The following GLB1 variants were observed in gnomAD, a reference collection of about 807,000 sequenced individuals.
GLB1 encodes the protein beta-galactosidase.
GLB1 carries 56 observed loss-of-function variants against 74.0 expected under a neutral mutation model. That is an observed-to-expected ratio of 0.76 (90% CI 0.61 to 0.94). GLB1 has a LOEUF of 0.94. GLB1 is among the 40% of genes least tolerant of loss of function. The probability of loss-of-function intolerance (pLI) is 0.00; values close to 1 mark genes in which losing one functional copy is unlikely to be tolerated. For missense variants in GLB1, 787 were observed against 845.5 expected (o/e 0.93, Z 0.86); for synonymous variants, 323 against 323.6 (o/e 1.00, Z 0.02).
chr3:33,022,964 T>C (rs1216774477), intron 11 of GLB1, among the ~76,000 whole-genome samples: 3 of 152,166 alleles, frequency 2.0e-5, no homozygotes, highest in African/African-American at 7.2e-5. Context: ...CTCATATGGG[T>C]GTTTTCCCAC....
chr3:33,091,835 T>C, intron 1 of GLB1: 1 of 985,414 alleles, frequency 1.0e-6, no homozygotes. Context: ...CCCTGTCTTC[T>C]CAGTGAGGCC....
At chr3:33,060,069 C>T (rs1699382660) in intron 5 of GLB1, among the ~76,000 whole-genome samples, 1 of 152,166 alleles carries the variant, frequency 6.6e-6, no homozygotes. Context: ...ACCAACAGCT[C>T]AATTTCATCC....
the GLB1 span, among the ~76,000 whole-genome samples, chr3:32,972,334 T>A: frequency 6.6e-6 from 1 of 152,092 alleles, no homozygotes; most frequent in African/African-American, 2.4e-5. Context: ...ATGTGGAAAA[T>A]TTAATTTAAC....
In GLB1 at chr3:33,051,744, T is replaced by G. The variant is rs754122458; in HGVS notation, c.955+14A>C. On this transcript the variant is annotated intron_variant, in intron 9 of 15. Transcript: ENST00000307363. ...TTCTAGCATAAGTTTCTACAGATAT[T>G]AAAGTGCTCTTACCATTCCAATAGG... is the stretch of plus-strand genomic sequence containing the variant. 4.3e-6 allele frequency: 7 copies of G among 1,613,950 alleles called. No homozygotes were observed. Among genetic ancestry groups the G allele is most frequent in the South Asian group, 1.1e-5 (1 of 91,082 alleles).
the GLB1 span, among the ~76,000 whole-genome samples, chr3:32,983,671 T>C: frequency 6.6e-6 from 1 of 152,000 alleles, no homozygotes; most frequent in Non-Finnish European, 1.5e-5. Flanking sequence ...TTGAAAATAA[T>C]AATAATAATA....
chr3:32,988,925 G>A, the GLB1 span, among the ~76,000 whole-genome samples: 1 of 146,756 alleles, frequency 6.8e-6, no homozygotes, highest in Non-Finnish European at 1.5e-5. Context: ...CCCTTGGCAT[G>A]GTAAGGTTTG....
At chr3:33,095,230 AAAAAAG>A (rs1700969150) in intron 1 of GLB1, among the ~76,000 whole-genome samples, 1 of 150,886 alleles carries the variant, frequency 6.6e-6, no homozygotes, top group African/African-American at 2.4e-5. Context: ...AAAAAAAAAA[AAAAAAG>A]GAATATTCTC....
Position 33,028,748 on chromosome 3 carries a change from C to T in GLB1, c.1069-4423G>A, listed in dbSNP as rs1697883479. Among the ~76,000 whole-genome samples the T allele has an allele frequency of 5.3e-5, 8 of 152,086 alleles. No homozygotes were observed. In the South Asian group the frequency reaches 1.7e-3, roughly 32 times the overall value. On this transcript the variant is annotated intron_variant, in intron 10 of 15. Coordinates refer to ENST00000307363, the MANE Select transcript of GLB1 (RefSeq NM_000404.4). ...TGGCACAATCTCGGCTCACTGCAAC[C>T]TCCACCTCCCAGGTTCCAGCGATTC...
At chr3:33,043,953 C>T (rs1698641211) in intron 10 of GLB1, among the ~76,000 whole-genome samples, 1 of 151,702 alleles carries the variant, frequency 6.6e-6, no homozygotes, top group African/African-American at 2.4e-5. Flanking sequence ...AATTTGCCCA[C>T]CTAATAACAT....
rs529472962 is a variant in GLB1, at chr3:33,033,655, C to T, written c.1069-9330G>A. On this transcript the variant is annotated intron_variant, in intron 10 of 15. Coordinates refer to ENST00000307363, the MANE Select transcript of GLB1 (RefSeq NM_000404.4). ...AATTAGCTAGGTGTGGTGGCGTGCA[C>T]CTGTAATCCCAGTCACTCAGGAGGC... Among the ~76,000 whole-genome samples, 15 of 152,100 alleles carry T rather than the reference C, an allele frequency of 9.9e-5. No individual in the cohort carries two copies. The East Asian group carries it at 1.9e-3, about 20-fold the overall frequency.
intron 8 of GLB1, 28 bp downstream of exon 8, chr3:33,051,855 A>G (rs990892796): frequency 6.2e-7 from 1 of 1,614,060 alleles, no homozygotes; most frequent in Non-Finnish European, 8.5e-7. Flanking sequence ...TACTGAGGGC[A>G]CCCTCCCCTC....
chr3:33,084,055 C>T (rs1023482306), intron 1 of GLB1, among the ~76,000 whole-genome samples: 1 of 152,176 alleles, frequency 6.6e-6, no homozygotes, highest in African/African-American at 2.4e-5. Context: ...CAGTATAACT[C>T]TGGTAAGCAC....
At chr3:33,096,507 A>G in intron 1 of GLB1, 1 of 985,270 alleles carries the variant, frequency 1.0e-6, no homozygotes, top group Non-Finnish European at 1.2e-6. Flanking sequence ...AAGGAACAAG[A>G]TGCACGAAGA....
chr3:33,073,971 C>A (rs967926296), intron 1 of GLB1, among the ~76,000 whole-genome samples: 1 of 150,506 alleles, frequency 6.6e-6, no homozygotes. Flanking sequence ...GTGCAGTGAA[C>A]CGTGTTCATG....
At chr3:33,034,602 C>T (rs1401864811) in intron 10 of GLB1, 3 of 718,494 alleles carry the variant, frequency 4.2e-6, no homozygotes, top group Non-Finnish European at 7.8e-6. Context: ...AATATATGGT[C>T]TCCCAAATTG....
intron 10 of GLB1, among the ~76,000 whole-genome samples, chr3:33,044,711 T>TA (rs1225541223): frequency 6.6e-6 from 1 of 152,194 alleles, no homozygotes; most frequent in Non-Finnish European, 1.5e-5. Context: ...GTAATATTCA[T>TA]TTTAACACAT....
In GLB1 at chr3:33,046,102, C is replaced by T. The variant is rs200744383; in HGVS notation, c.1068+18G>A. 1 of 1,611,232 alleles carries T rather than the reference C, an allele frequency of 6.2e-7. No individual in the cohort carries two copies. The highest frequency in any genetic ancestry group is 8.5e-7 in the Non-Finnish European group (1 of 1,179,228). The stretch of plus-strand genomic sequence containing the variant: ...TCTGTCCAAGATCAGCCCACCACAG[C>T]TCATACAAAGCACCCACCTTCTGGA... On this transcript the variant is annotated intron_variant, in intron 10 of 15. Coordinates refer to ENST00000307363, the MANE Select transcript of GLB1 (RefSeq NM_000404.4).
At chr3:33,074,606 G>C (rs1346977331) in intron 1 of GLB1, among the ~76,000 whole-genome samples, 4 of 152,046 alleles carry the variant, frequency 2.6e-5, no homozygotes, top group Non-Finnish European at 5.9e-5. Context: ...AACGGGTGGT[G>C]GGGGTGGGGG....
intron 12 of GLB1, among the ~76,000 whole-genome samples, chr3:33,019,199 G>T (rs1177151968): frequency 6.6e-6 from 1 of 152,088 alleles, no homozygotes; most frequent in African/African-American, 2.4e-5. Context: ...AGGAACGGGG[G>T]AAAGAAACAG....
Sources: allele counts gnomAD v4.1 joint callset (sites outside exome capture counted in the v4.1 genomes callset), GRCh38; gene constraint gnomAD v4.1.1; transcripts MANE v1.5; gene names NCBI Gene and HGNC (gene_info 2026-07-23, HGNC 2026-07-21).